GHRHR: variants seen among roughly 807,000 people sequenced by gnomAD.
The protein encoded by GHRHR is growth hormone-releasing hormone receptor.
A neutral mutation model predicts 58.3 loss-of-function variants in GHRHR; 40 were observed. The ratio of observed to expected loss-of-function variants is 0.69; its 90% confidence interval spans 0.53 to 0.89. The LOEUF is 0.89. GHRHR is among the 40% of genes least tolerant of loss of function. The probability of loss-of-function intolerance (pLI) is 0.00; values close to 1 mark genes in which losing one functional copy is unlikely to be tolerated. For missense variants in GHRHR, 551 were observed against 541.3 expected, an observed-to-expected ratio of 1.02 and a Z score of -0.18; for synonymous variants, 249 against 216.6, an observed-to-expected ratio of 1.15 and a Z score of -1.31.
intron 1 of GHRHR, among the ~76,000 whole-genome samples, chr7:30,965,857 C>T (rs891941346): frequency 1.8e-4 from 27 of 152,354 alleles, no homozygotes; most frequent in African/African-American, 5.8e-4. Context: ...GCTCTTCCTT[C>T]CCCGCTTTGT....
At chr7:30,966,384 G>T (rs978846421) in intron 1 of GHRHR, among the ~76,000 whole-genome samples, 4 of 146,988 alleles carry the variant, frequency 2.7e-5, no homozygotes, top group Non-Finnish European at 6.0e-5. Flanking sequence ...TAGACATTGA[G>T]GGTGTGTGTG....
intron 12 of GHRHR, among the ~76,000 whole-genome samples, chr7:30,978,427 C>T (rs952087206): frequency 6.6e-6 from 1 of 152,190 alleles, no homozygotes; most frequent in Middle Eastern, 3.2e-3. Context: ...AGTGAGCTTA[C>T]TACATCCCAA....
chr7:30,972,353 C>T (rs1278156643), intron 6 of GHRHR, among the ~76,000 whole-genome samples: 1 of 152,188 alleles, frequency 6.6e-6, no homozygotes, highest in Non-Finnish European at 1.5e-5. Context: ...ACCTAGACCA[C>T]GTTTCACTAT....
In GHRHR at chr7:30,971,948, TC is replaced by T; in HGVS notation, c.465-12del. 1.2e-6 allele frequency: 2 copies of T among 1,613,458 alleles called. No homozygotes were observed. Among genetic ancestry groups the T allele is most frequent in the Non-Finnish European group, 1.7e-6 (2 of 1,179,554 alleles). ...CTGCTTGCTTCTTGTTCCTCATTTCTCCCATTACCCCCAGGAGGCTCCACTG... is the reference window on the plus strand; with the variant it reads ...CTGCTTGCTTCTTGTTCCTCATTTCTCCATTACCCCCAGGAGGCTCCACTG... On this transcript the variant is annotated splice_polypyrimidine_tract_variant and intron_variant, in intron 5 of 12. Transcript: ENST00000326139.
intron 1 of GHRHR, among the ~76,000 whole-genome samples, chr7:30,964,910 A>G (rs1373815430): frequency 6.6e-6 from 1 of 152,086 alleles, no homozygotes; most frequent in Non-Finnish European, 1.5e-5. Flanking sequence ...TGAGGGCCTG[A>G]AGCATTCTTC....
At chr7:30,970,909 C>G in intron 4 of GHRHR, 1 of 633,696 alleles carries the variant, frequency 1.6e-6, no homozygotes, top group Non-Finnish European at 2.9e-6. Context: ...GCCACTACCC[C>G]TCCCTCACCC....
chr7:30,975,735 C>T (rs905344969), intron 9 of GHRHR, 42 bp from the exon 10 acceptor site: 2 of 1,190,232 alleles, frequency 1.7e-6, no homozygotes, highest in Non-Finnish European at 2.5e-6. Context: ...CAAGGCTACC[C>T]CCTGACCCTT....
rs2128597694 is a variant in GHRHR, at chr7:30,971,180, C to T, written c.428C>T (p.Ala143Val). The T allele has an allele frequency of 1.3e-6, 2 of 1,527,298 alleles. No individual in the cohort carries two copies. The highest frequency in any genetic ancestry group is 2.4e-5 in the South Asian group (2 of 83,846). The allele number at this position is 1,527,298 out of a possible 1,614,324, so 94.6% of individuals were successfully genotyped here. The change falls in exon 5 of 13, where the codon GCC becomes GTC. Residue 143 changes from alanine (A) to valine (V), a missense_variant. Ala to Val is a moderately conservative substitution (Grantham distance 64). Coordinates refer to ENST00000326139, the MANE Select transcript of GHRHR (RefSeq NM_000823.4). ...YTVGHSISIV[A>V]LFVAITILVA... ...GTGGGCCATAGCATCTCTATTGTAG[C>T]CCTCTTCGTGGCCATCACCATCCTG...
chr7:30,969,736 C>A, intron 3 of GHRHR, 131 bp from the exon 4 acceptor site: 1 of 877,134 alleles, frequency 1.1e-6, no homozygotes, highest in Non-Finnish European at 2.0e-6. Flanking sequence ...CCTCTGGAGC[C>A]ACCCTCTCTG....
Position 30,972,075 on chromosome 7 carries a change from G to T in GHRHR, c.577G>T (p.Asp193Tyr). ...TGCCCTTTTCCACAGCGACGACACT[G>T]ACCACTGCAGCTTCTCCACTGTAAT... ...DAALFHSDDT[D>Y]HCSFSTVLCK... The change falls in exon 6 of 13, where the codon GAC becomes TAC. Residue 193 changes from aspartate to tyrosine, a missense_variant. Coordinates refer to ENST00000326139, the MANE Select transcript of GHRHR (RefSeq NM_000823.4). The T allele has an allele frequency of 6.2e-7, 1 of 1,614,068 alleles. No homozygotes were observed. Among genetic ancestry groups the T allele is most frequent in the South Asian group, 1.1e-5 (1 of 91,064 alleles).
chr7:30,975,041 G>A lies in GHRHR; in HGVS notation c.882+1G>A. ...AGGGCCCATTGTCCTCTCGGTCGGG[G>A]TCAGTCCCTGGGCCAGTGCCCTTTG... On this transcript the variant is annotated splice_donor_variant, in intron 9 of 12. Coordinates refer to ENST00000326139, the MANE Select transcript of GHRHR (RefSeq NM_000823.4). LOFTEE classifies it high-confidence loss of function. The A allele has an allele frequency of 6.2e-7, 1 of 1,604,678 alleles. No individual in the cohort carries two copies. The highest frequency in any genetic ancestry group is 8.5e-7 in the Non-Finnish European group (1 of 1,171,380).
chr7:30,966,224 AC>A (rs1051938668), intron 1 of GHRHR, among the ~76,000 whole-genome samples: 20 of 152,254 alleles, frequency 1.3e-4, no homozygotes, highest in African/African-American at 4.6e-4. Flanking sequence ...CCACGTGGTC[AC>A]CCACCATCTA....
At position 30,974,307 on chromosome 7, in the gene GHRHR, G is replaced by T; in HGVS notation, c.752-122G>T. 5 of 1,104,300 alleles carry T rather than the reference G, an allele frequency of 4.5e-6. 1 individual carries two copies. The South Asian group carries it at 6.2e-5, about 14-fold the overall frequency. 68.4% of individuals were successfully genotyped at this position (1,104,300 alleles called of 1,614,324 possible). On this transcript the variant is annotated intron_variant, in intron 7 of 12. Transcript: ENST00000326139. Reference sequence around the variant, plus strand: ...GTGGGACCAGGGCCCTGGCTCTGGGGTCCTGCCTGGCCCTGCCTTTGCAGT... The same window carrying T: ...GTGGGACCAGGGCCCTGGCTCTGGGTTCCTGCCTGGCCCTGCCTTTGCAGT...
At chr7:30,970,134 T>C (rs1164055240) in intron 4 of GHRHR, among the ~76,000 whole-genome samples, 170 bp downstream of exon 4, 3 of 152,112 alleles carry the variant, frequency 2.0e-5, no homozygotes, top group Non-Finnish European at 2.9e-5. Flanking sequence ...TTTTGCTAAG[T>C]TACTGAAGGG....
At position 30,975,024 on chromosome 7, in the gene GHRHR, T is replaced by A; in HGVS notation, c.866T>A (p.Ile289Asn). The change falls in exon 9 of 13, where the codon ATT becomes AAT. Residue 289 changes from isoleucine to asparagine, a missense_variant. Ile to Asn is a moderately radical substitution (Grantham distance 149). Transcript: ENST00000326139. ...SPYWWIIKGP[I>N]VLSVGVNFGL... ...TACTGGTGGATCATCAAAGGGCCCA[T>A]TGTCCTCTCGGTCGGGGTCAGTCCC... The A allele has an allele frequency of 1.2e-6, 2 of 1,611,984 alleles. No homozygotes were observed. Among genetic ancestry groups the A allele is most frequent in the South Asian group, 2.2e-5 (2 of 91,052 alleles).
At chr7:30,966,521 C>T (rs1426648238) in intron 1 of GHRHR, among the ~76,000 whole-genome samples, 1 of 152,154 alleles carries the variant, frequency 6.6e-6, no homozygotes, top group Non-Finnish European at 1.5e-5. Flanking sequence ...TGCTCTTCTC[C>T]CCACTGTGTG....
In GHRHR at chr7:30,977,488, G is replaced by C. The variant is rs4988505; in HGVS notation, c.1146+166G>C. Among the ~76,000 whole-genome samples the C allele has an allele frequency of 0.34, 51,926 of 152,070 alleles. 9,824 individuals carry two copies. The highest frequency in any genetic ancestry group is 0.5 in the African/African-American group (20,591 of 41,460). On this transcript the variant is annotated intron_variant, in intron 12 of 12. Transcript: ENST00000326139. Reference sequence around the variant, plus strand: ...CTGAGCTTCTGGATCAAGCTGAACCGGAATGTTTCCTGTAAACATCTCTTA... The same window carrying C: ...CTGAGCTTCTGGATCAAGCTGAACCCGAATGTTTCCTGTAAACATCTCTTA...
chr7:30,965,119 A>G (rs1358178641), intron 1 of GHRHR, among the ~76,000 whole-genome samples: 1 of 152,100 alleles, frequency 6.6e-6, no homozygotes, highest in Non-Finnish European at 1.5e-5. Context: ...CTGTGCATTG[A>G]GTGGAATCTG....
chr7:30,964,200 C>T lies in GHRHR; in HGVS notation c.57+75C>T, dbSNP rs1040127140. On this transcript the variant is annotated intron_variant, in intron 1 of 12. Transcript: ENST00000326139. ...TGGGAGCCACAGGGCCAACTGGAGC[C>T]TGGCGGAGACCCTACTGCCCTTCTC... The T allele has an allele frequency of 3.1e-6, 4 of 1,302,220 alleles. No individual in the cohort carries two copies. In the Admixed American group the frequency reaches 7.9e-5, roughly 26 times the overall value. The allele number at this position is 1,302,220 out of a possible 1,614,324, so 80.7% of individuals were successfully genotyped here.
Sources: gnomAD v4.1 joint callset for allele counts (sites outside exome capture counted in the v4.1 genomes callset) on GRCh38, gnomAD v4.1.1 for gene constraint, MANE v1.5 for transcripts, NCBI Gene and HGNC (gene_info 2026-07-23, HGNC 2026-07-21) for gene names.